COL22A1: variants seen among roughly 807,000 people sequenced by gnomAD.
COL22A1 encodes collagen alpha-1(XXII) chain.
Under a neutral mutation model 248.9 loss-of-function variants are expected in COL22A1, and 221 were observed. The observed-to-expected ratio is 0.89, with a 90% CI of 0.80 to 0.99. COL22A1 has a LOEUF of 0.99. Among genes scored for constraint, COL22A1 ranks in the 50% least tolerant of loss-of-function variants. The pLI is 0.00. For missense variants in COL22A1, 2,240 were observed against 2,179.0 expected (o/e 1.03, Z -0.56); for synonymous variants, 891 against 793.4 (o/e 1.12, Z -2.07).
intron 3 of COL22A1, among the ~76,000 whole-genome samples, chr8:138,845,546 A>AATAC (rs56141795): frequency 5.3e-5 from 8 of 151,864 alleles, no homozygotes; most frequent in Non-Finnish European, 1.2e-4. Context: ...TAAATAAATA[A>AATAC]TAAAAAGTTG....
At chr8:138,791,657 G>A (rs1018737586) in intron 12 of COL22A1, among the ~76,000 whole-genome samples, 1 of 152,094 alleles carries the variant, frequency 6.6e-6, no homozygotes, top group African/African-American at 2.4e-5. Flanking sequence ...CTGCACACTT[G>A]GCATCCTCTT....
intron 1 of COL22A1, among the ~76,000 whole-genome samples, chr8:138,890,861 G>GA (rs559805886): frequency 1.9e-3 from 262 of 139,674 alleles, no homozygotes; most frequent in Middle Eastern, 3.6e-3. Context: ...AAAATACAAA[G>GA]AAAAAAAAAA....
Position 138,760,266 on chromosome 8 carries a change from C to T in COL22A1, c.1879G>A (p.Val627Met), listed in dbSNP as rs924809887. 1.9e-6 allele frequency: 3 copies of T among 1,597,354 alleles called. No homozygotes were observed. The highest frequency in any genetic ancestry group is 1.7e-5 in the Admixed American group (1 of 58,366). The change falls in exon 18 of 65, where the codon GTG (valine) becomes ATG (methionine). Residue 627 changes from valine (V) to methionine (M), a missense_variant. By Grantham distance (21) the Val-to-Met change is conservative. Coordinates refer to ENST00000303045, the MANE Select transcript of COL22A1 (RefSeq NM_152888.3). ...ACCTTTTCTCCCTGGGGTCCTGCCA[C>T]ACCAGAAGGGCCGGGCCTGCCCTGG... ...GQQGRPGPSG[V>M]AGPQGEKGDV...
chr8:138,748,942 G>C (rs1254898487), intron 22 of COL22A1, among the ~76,000 whole-genome samples: 1 of 152,138 alleles, frequency 6.6e-6, no homozygotes, highest in Non-Finnish European at 1.5e-5. Context: ...GGACCTGGTG[G>C]GAGATCATTG....
chr8:138,893,996 A>G (rs947316799), intron 1 of COL22A1, among the ~76,000 whole-genome samples: 6 of 152,180 alleles, frequency 3.9e-5, no homozygotes, highest in African/African-American at 1.4e-4. Flanking sequence ...GGCTGCCTTC[A>G]CCAGGAATAG....
At chr8:138,863,613 G>T (rs553379917) in intron 3 of COL22A1, among the ~76,000 whole-genome samples, 17 of 152,314 alleles carry the variant, frequency 1.1e-4, no homozygotes, top group Non-Finnish European at 2.5e-4. Flanking sequence ...AGGGCTGCCA[G>T]GAAGGAGGGG....
intron 36 of COL22A1, among the ~76,000 whole-genome samples, chr8:138,690,057 C>T (rs1826703998): frequency 6.6e-6 from 1 of 152,204 alleles, no homozygotes; most frequent in Admixed American, 6.5e-5. Context: ...AGCAGGGTTG[C>T]TGTGCAGAGT....
intron 10 of COL22A1, among the ~76,000 whole-genome samples, chr8:138,805,165 GGGTGTGTGTGTGT>G (rs1166068237): frequency 7.5e-4 from 107 of 142,424 alleles, no homozygotes; most frequent in Middle Eastern, 4.1e-3. Flanking sequence ...ATGTGCATGA[GGGTGTGTGTGTGT>G]GGTGTGTGTG....
At chr8:138,833,174 G>A (rs1820178291) in intron 4 of COL22A1, 24 bp from the exon 5 acceptor site, 2 of 1,528,824 alleles carry the variant, frequency 1.3e-6, no homozygotes, top group African/African-American at 2.7e-5. Context: ...AGAGCTGGGA[G>A]TGAGTTTGGA....
chr8:138,815,701 C>T (rs1353577526), intron 7 of COL22A1, among the ~76,000 whole-genome samples: 1 of 152,212 alleles, frequency 6.6e-6, no homozygotes, highest in Non-Finnish European at 1.5e-5. Context: ...GGTCTCCTGT[C>T]TCCTGTCCTT....
intron 43 of COL22A1, among the ~76,000 whole-genome samples, chr8:138,660,889 CAGACACACAA>C (rs201251861): frequency 0.69 from 89,607 of 130,234 alleles, 32,025 homozygotes; most frequent in Non-Finnish European, 0.82. Context: ...CACACATACA[CAGACACACAA>C]ACACACACAT....
rs150417277 is a variant in COL22A1 at position 138,907,486 on chromosome 8, A to G, written c.-73+6133T>C. ...CCTTGATCTGAAAAACCATCCAGGA[A>G]TGGCTGATCAAATTTGTTGATGCAA... On this transcript the variant is annotated intron_variant, in intron 1 of 64. Coordinates refer to ENST00000303045, the MANE Select transcript of COL22A1 (RefSeq NM_152888.3). 4.8e-3 allele frequency among the ~76,000 whole-genome samples: 731 copies of G among 152,338 alleles called. 8 individuals carry two copies. Among genetic ancestry groups the G allele is most frequent in the African/African-American group, 0.017 (693 of 41,570 alleles).
chr8:138,640,564 C>T (rs1349117404), intron 47 of COL22A1, among the ~76,000 whole-genome samples: 2 of 152,068 alleles, frequency 1.3e-5, no homozygotes, highest in Non-Finnish European at 2.9e-5. Flanking sequence ...AAAATCCTAC[C>T]TCCTCCAGGT....
chr8:138,639,955 G>C (rs1007078081), intron 47 of COL22A1, among the ~76,000 whole-genome samples: 1 of 152,170 alleles, frequency 6.6e-6, no homozygotes, highest in African/African-American at 2.4e-5. Context: ...GACGGCCACC[G>C]CAATTACCAG....
intron 1 of COL22A1, among the ~76,000 whole-genome samples, chr8:138,910,179 T>G (rs1244906723): frequency 6.6e-6 from 1 of 152,244 alleles, no homozygotes; most frequent in East Asian, 1.9e-4. Context: ...TGTAGCCATG[T>G]ATTCACTCAC....
At chr8:138,694,163 A>C (rs1005689684) in intron 34 of COL22A1, among the ~76,000 whole-genome samples, 1 of 152,188 alleles carries the variant, frequency 6.6e-6, no homozygotes, top group Non-Finnish European at 1.5e-5. Flanking sequence ...TGTTCTGCAA[A>C]TCCTCTGGGA....
At chr8:138,863,274 T>C (rs1329839913) in intron 3 of COL22A1, among the ~76,000 whole-genome samples, 3 of 152,188 alleles carry the variant, frequency 2.0e-5, no homozygotes, top group Admixed American at 6.5e-5. Context: ...GTTGCCCATC[T>C]AGGGACAGCA....
chr8:138,692,487 G>A (rs1490449963), intron 35 of COL22A1, among the ~76,000 whole-genome samples: 6 of 147,582 alleles, frequency 4.1e-5, no homozygotes, highest in African/African-American at 1.5e-4. Flanking sequence ...GTGTGTGTGT[G>A]TGTGTGTGTG....
intron 6 of COL22A1, among the ~76,000 whole-genome samples, chr8:138,824,446 G>A (rs1047542114): frequency 2.0e-5 from 3 of 152,102 alleles, no homozygotes; most frequent in African/African-American, 7.2e-5. Flanking sequence ...ATCCACACTT[G>A]CCTGGATCAC....
Sources: allele counts gnomAD v4.1 joint callset (sites outside exome capture counted in the v4.1 genomes callset), GRCh38; gene constraint gnomAD v4.1.1; transcripts MANE v1.5; gene names NCBI Gene and HGNC (gene_info 2026-07-23, HGNC 2026-07-21).